The following AGAP1 variants were observed in gnomAD, a reference collection of about 807,000 sequenced individuals.
AGAP1 encodes the protein arf-GAP with GTPase, ANK repeat and PH domain-containing protein 1.
A neutral mutation model predicts 105.3 loss-of-function variants in AGAP1; 29 were observed. The ratio of observed to expected loss-of-function variants is 0.28; its 90% confidence interval spans 0.21 to 0.38. The LOEUF is 0.38. AGAP1 is among the 10% of genes least tolerant of loss of function. The probability of loss-of-function intolerance (pLI) is 1.00; values close to 1 mark genes in which losing one functional copy is unlikely to be tolerated. For synonymous variants in AGAP1, 509 were observed against 485.9 expected, an observed-to-expected ratio of 1.05 and a Z score of -0.63; for missense variants, 998 against 1,165.1, an observed-to-expected ratio of 0.86 and a Z score of 2.09.
intron 1 of AGAP1, among the ~76,000 whole-genome samples, chr2:235,542,511 T>A (rs1057183536): frequency 4.0e-5 from 6 of 151,184 alleles, no homozygotes; most frequent in African/African-American, 1.5e-4. Flanking sequence ...ACCTATTCAT[T>A]GTTAAAAAGG....
intron 1 of AGAP1, among the ~76,000 whole-genome samples, chr2:235,573,091 TCTTCTTC>T (rs1944624407): frequency 7.1e-6 from 1 of 140,400 alleles, no homozygotes; most frequent in African/African-American, 2.6e-5. Flanking sequence ...CTTTCTTCTT[TCTTCTTC>T]TTCTTCCTTT....
rs2054335276 is a variant in AGAP1, at chr2:235,965,050, G to A, written c.1484-3412G>A. Among the ~76,000 whole-genome samples the A allele has an allele frequency of 6.6e-6, 1 of 152,204 alleles. No individual in the cohort carries two copies. Among genetic ancestry groups the A allele is most frequent in the Non-Finnish European group, 1.5e-5 (1 of 68,036 alleles). On this transcript the variant is annotated intron_variant, in intron 12 of 17. Transcript: ENST00000304032. The surrounding 1 kb of genome is among the most constrained non-coding windows in gnomAD (Gnocchi z 5.8). ...CATAGTGCAGGCTCAGGGGGTCTCA[G>A]GACTGCTGGCTACACCTCGGGTACA...
intron 9 of AGAP1, among the ~76,000 whole-genome samples, chr2:235,829,122 C>G (rs1309702993): frequency 6.6e-6 from 1 of 152,250 alleles, no homozygotes; most frequent in African/African-American, 2.4e-5. Flanking sequence ...TGTCTACAAC[C>G]TGCGTTTCCC....
At chr2:235,897,422 T>C (rs1173944217) in intron 10 of AGAP1, among the ~76,000 whole-genome samples, 2 of 152,170 alleles carry the variant, frequency 1.3e-5, no homozygotes, top group African/African-American at 2.4e-5. Flanking sequence ...AATTCTGCCT[T>C]CTTGCATTTC....
At chr2:236,069,142 AAG>A (rs1293388773) in intron 16 of AGAP1, among the ~76,000 whole-genome samples, 1 of 152,114 alleles carries the variant, frequency 6.6e-6, no homozygotes, top group Admixed American at 6.6e-5. Context: ...AAAAAAAAGA[AAG>A]AAATTTTAAA....
chr2:235,789,611 G>C lies in AGAP1; in HGVS notation c.674-8148G>C, dbSNP rs79518638. On this transcript the variant is annotated intron_variant, in intron 6 of 17. Coordinates refer to ENST00000304032, the MANE Select transcript of AGAP1 (RefSeq NM_001037131.3). This position sits in a 1 kb window ranked among gnomAD's most constrained non-coding sequence, Gnocchi z 4.2. ...TAACCACAGCCTATTTTAGATTAGA[G>C]GGTTGTTTGCTCAAAAAAAAAATAC... Among the ~76,000 whole-genome samples the C allele has an allele frequency of 5.4e-3, 812 of 151,744 alleles. 4 individuals are homozygous for C. The highest frequency in any genetic ancestry group is 9.1e-3 in the Non-Finnish European group (618 of 67,948).
chr2:235,610,965 G>A lies in AGAP1; in HGVS notation c.164-98214G>A, dbSNP rs990024138. On this transcript the variant is annotated intron_variant, in intron 1 of 17. Coordinates refer to ENST00000304032, the MANE Select transcript of AGAP1 (RefSeq NM_001037131.3). The surrounding 1 kb of genome is among the most constrained non-coding windows in gnomAD (Gnocchi z 4.9). Reference sequence around the variant, plus strand: ...CGGCCCAGTAGGATGGTTGACTGACGTTAGCTTGGCTTTCTTCCTAAGGCA... The same window carrying A: ...CGGCCCAGTAGGATGGTTGACTGACATTAGCTTGGCTTTCTTCCTAAGGCA... Among the ~76,000 whole-genome samples, 2 of 152,006 alleles carry A rather than the reference G, an allele frequency of 1.3e-5. No individual in the cohort carries two copies. Among genetic ancestry groups the A allele is most frequent in the Admixed American group, 6.6e-5 (1 of 15,264 alleles).
At chr2:235,528,814 A>G (rs1942944562) in intron 1 of AGAP1, among the ~76,000 whole-genome samples, 1 of 152,074 alleles carries the variant, frequency 6.6e-6, no homozygotes, top group Non-Finnish European at 1.5e-5. Context: ...AGTAGCTGGG[A>G]TTACAGTCAT....
In AGAP1 at chr2:235,716,180, G is replaced by T. The variant is rs186584465; in HGVS notation, c.223-1377G>T. On this transcript the variant is annotated intron_variant, in intron 2 of 17. Transcript: ENST00000304032. The surrounding 1 kb of genome is among the most constrained non-coding windows in gnomAD (Gnocchi z 4.0). ...GAGAGAAGGTTGGATGTGGACAGGCGCATGTTGGGACATTAGAGTGGAGGA... is the reference window on the plus strand; with the variant it reads ...GAGAGAAGGTTGGATGTGGACAGGCTCATGTTGGGACATTAGAGTGGAGGA... Among the ~76,000 whole-genome samples the T allele has an allele frequency of 6.6e-6, 1 of 152,200 alleles. No homozygotes were observed. The highest frequency in any genetic ancestry group is 1.5e-5 in the Non-Finnish European group (1 of 68,030).
chr2:235,633,151 C>T lies in AGAP1; in HGVS notation c.164-76028C>T, dbSNP rs954172909. ...ATCCCTGTAACAAAAGACAGGTTAA[C>T]GAGAGAAAAGCATTATACATTTACT... On this transcript the variant is annotated intron_variant, in intron 1 of 17. Coordinates refer to ENST00000304032, the MANE Select transcript of AGAP1 (RefSeq NM_001037131.3). This position sits in a 1 kb window ranked among gnomAD's most constrained non-coding sequence, Gnocchi z 4.8. 8.5e-5 allele frequency among the ~76,000 whole-genome samples: 13 copies of T among 152,052 alleles called. No individual in the cohort carries two copies. Among genetic ancestry groups the T allele is most frequent in the Admixed American group, 3.9e-4 (6 of 15,254 alleles).
chr2:235,686,691 T>G (rs2149424228), intron 1 of AGAP1, among the ~76,000 whole-genome samples: 1 of 132,680 alleles, frequency 7.5e-6, no homozygotes, highest in African/African-American at 2.9e-5. Flanking sequence ...AGACAGAGTC[T>G]TGCTCTGAAG....
In AGAP1 at chr2:235,550,959, A is replaced by C. The variant is rs1322010770; in HGVS notation, c.163+56110A>C. ...CCAGCTAATTTTTGTATTTTAGTAG[A>C]AATGGGGTTTCACCATGTTGGGCAG... On this transcript the variant is annotated intron_variant, in intron 1 of 17. Coordinates refer to ENST00000304032, the MANE Select transcript of AGAP1 (RefSeq NM_001037131.3). The surrounding 1 kb of genome is among the most constrained non-coding windows in gnomAD (Gnocchi z 4.6). 6.6e-6 allele frequency among the ~76,000 whole-genome samples: 1 copy of C among 152,046 alleles called. No homozygotes were observed. Among genetic ancestry groups the C allele is most frequent in the African/African-American group, 2.4e-5 (1 of 41,394 alleles).
chr2:236,042,661 C>G lies in AGAP1; in HGVS notation c.1891+1820C>G, dbSNP rs555079590. On this transcript the variant is annotated intron_variant, in intron 15 of 17. Coordinates refer to ENST00000304032, the MANE Select transcript of AGAP1 (RefSeq NM_001037131.3). This position sits in a 1 kb window ranked among gnomAD's most constrained non-coding sequence, Gnocchi z 5.6. ...GCGGGGACCATGATACCTGGCAAATCGGAGGTCGCAGGTCCTGTCTGAGAT... is the reference window on the plus strand; with the variant it reads ...GCGGGGACCATGATACCTGGCAAATGGGAGGTCGCAGGTCCTGTCTGAGAT... Among the ~76,000 whole-genome samples, 7 of 151,998 alleles carry G rather than the reference C, an allele frequency of 4.6e-5. No individual in the cohort carries two copies. Among genetic ancestry groups the G allele is most frequent in the Non-Finnish European group, 1.0e-4 (7 of 68,008 alleles).
intron 9 of AGAP1, among the ~76,000 whole-genome samples, chr2:235,826,678 A>G (rs1051074880): frequency 1.3e-5 from 2 of 151,768 alleles, no homozygotes; most frequent in Admixed American, 6.6e-5. Context: ...TCGAACTCCT[A>G]CCACCCGCCT....
intron 12 of AGAP1, among the ~76,000 whole-genome samples, chr2:235,956,027 A>G (rs1046117650): frequency 2.0e-5 from 3 of 152,232 alleles, no homozygotes; most frequent in African/African-American, 7.2e-5. Flanking sequence ...GGGCTCCTAC[A>G]TCTAATTACC....
intron 1 of AGAP1, among the ~76,000 whole-genome samples, chr2:235,627,257 A>C (rs1172672742): frequency 8.0e-6 from 1 of 124,886 alleles, no homozygotes; most frequent in Admixed American, 1.1e-4. Flanking sequence ...CAGTGGCGCG[A>C]TCTTGGTTCA....
chr2:236,042,805 G>A lies in AGAP1; in HGVS notation c.1891+1964G>A, dbSNP rs1371039103. Among the ~76,000 whole-genome samples the A allele has an allele frequency of 6.6e-6, 1 of 152,182 alleles. No homozygotes were observed. The highest frequency in any genetic ancestry group is 1.5e-5 in the Non-Finnish European group (1 of 68,024). ...CAGATGGACAGGGACAAAGGGAAAA[G>A]GCAGAGTTTGACAATTCAGGAGAAA... is the stretch of plus-strand genomic sequence containing the variant. On this transcript the variant is annotated intron_variant, in intron 15 of 17. Coordinates refer to ENST00000304032, the MANE Select transcript of AGAP1 (RefSeq NM_001037131.3). This position sits in a 1 kb window ranked among gnomAD's most constrained non-coding sequence, Gnocchi z 5.6.
chr2:236,041,785 C>G (rs2057556012), intron 15 of AGAP1, among the ~76,000 whole-genome samples: 1 of 152,200 alleles, frequency 6.6e-6, no homozygotes, highest in South Asian at 2.1e-4. Context: ...ATGCACTGGA[C>G]AAGGCACCAA....
At chr2:235,544,863 G>A (rs1311925069) in intron 1 of AGAP1, among the ~76,000 whole-genome samples, 2 of 152,154 alleles carry the variant, frequency 1.3e-5, no homozygotes, top group Non-Finnish European at 2.9e-5. Flanking sequence ...GTTGGGTCAC[G>A]TTGCTGTCTT....
Sources: gnomAD v4.1 joint callset for allele counts (sites outside exome capture counted in the v4.1 genomes callset) on GRCh38, gnomAD v4.1.1 for gene constraint, Gnocchi (gnomAD v3.1) non-coding constraint, MANE v1.5 for transcripts, NCBI Gene and HGNC (gene_info 2026-07-23, HGNC 2026-07-21) for gene names.